MAPK10: variants seen among roughly 807,000 people sequenced by gnomAD.
MAPK10 encodes JNK3 alpha protein kinase.
MAPK10 carries 25 observed loss-of-function variants against 59.3 expected under a neutral mutation model. The ratio of observed to expected loss-of-function variants is 0.42; its 90% CI spans 0.31 to 0.59. The LOEUF is 0.59. Ranked by LOEUF, MAPK10 falls within the 20% of genes least tolerant of loss-of-function variation. The pLI is 0.15. For missense variants in MAPK10, 351 were observed against 568.9 expected (o/e 0.62, Z 3.90); for synonymous variants, 190 against 200.5 (o/e 0.95, Z 0.44).
chr4:86,088,982 A>G (rs1318885026), intron 9 of MAPK10, among the ~76,000 whole-genome samples: 1 of 152,204 alleles, frequency 6.6e-6, no homozygotes, highest in Non-Finnish European at 1.5e-5. Flanking sequence ...ACCTTTTGAT[A>G]TCAGGTTGAC....
chr4:86,488,750 T>A (rs1460801249), intron 1 of MAPK10, among the ~76,000 whole-genome samples: 2 of 152,052 alleles, frequency 1.3e-5, no homozygotes, highest in Non-Finnish European at 2.9e-5. Flanking sequence ...TGCCCACCCT[T>A]CCCCATTTCT....
chr4:86,586,205 G>T, intron 1 of MAPK10, among the ~76,000 whole-genome samples: 1 of 152,206 alleles, frequency 6.6e-6, no homozygotes. Context: ...TGAATAGGCA[G>T]TTACATAACT....
intron 2 of MAPK10, among the ~76,000 whole-genome samples, chr4:86,316,731 G>C (rs569632891): frequency 6.6e-6 from 1 of 151,972 alleles, no homozygotes; most frequent in African/African-American, 2.4e-5. Flanking sequence ...ATTGTTCCAG[G>C]GGCTGCAAAT....
intron 1 of MAPK10, among the ~76,000 whole-genome samples, chr4:86,540,081 A>G (rs1758555097): frequency 6.6e-6 from 1 of 152,232 alleles, no homozygotes; most frequent in African/African-American, 2.4e-5. Flanking sequence ...TTAGATTAAT[A>G]CTGAATCCAT....
chr4:86,174,079 T>C (rs2075081749), intron 3 of MAPK10, among the ~76,000 whole-genome samples: 1 of 152,196 alleles, frequency 6.6e-6, no homozygotes, highest in Admixed American at 6.5e-5. Context: ...CTCAAGGATC[T>C]AGAACCGGAA....
At chr4:86,053,951 T>C (rs1441900511) in intron 11 of MAPK10, among the ~76,000 whole-genome samples, 1 of 152,142 alleles carries the variant, frequency 6.6e-6, no homozygotes, top group Non-Finnish European at 1.5e-5. Flanking sequence ...GAAAAATAAT[T>C]TCTGTTCCCT....
intron 3 of MAPK10, among the ~76,000 whole-genome samples, chr4:86,178,604 A>G (rs1366387556): frequency 6.6e-6 from 1 of 151,936 alleles, no homozygotes; most frequent in Non-Finnish European, 1.5e-5. Flanking sequence ...AAAACCTTAA[A>G]GCTTTTCCTC....
At chr4:86,197,648 A>G (rs923727908) in intron 2 of MAPK10, among the ~76,000 whole-genome samples, 1 of 152,144 alleles carries the variant, frequency 6.6e-6, no homozygotes, top group East Asian at 1.9e-4. Flanking sequence ...TACTATAGGA[A>G]GTTTTCAATA....
chr4:86,194,895 C>T (rs767003906), intron 2 of MAPK10, among the ~76,000 whole-genome samples: 5 of 150,686 alleles, frequency 3.3e-5, no homozygotes, highest in South Asian at 4.2e-4. Context: ...TGATATTGAC[C>T]GAGAAGAAAA....
intron 2 of MAPK10, among the ~76,000 whole-genome samples, chr4:86,343,794 T>G (rs1199414784): frequency 6.6e-6 from 1 of 152,218 alleles, no homozygotes; most frequent in African/African-American, 2.4e-5. Context: ...AGCTGCCTTC[T>G]GTTAAAGCAG....
intron 2 of MAPK10, among the ~76,000 whole-genome samples, chr4:86,234,802 T>C (rs1173957816): frequency 6.6e-6 from 1 of 152,152 alleles, no homozygotes; most frequent in African/African-American, 2.4e-5. Context: ...CAGGGGAAAC[T>C]TATAATATTA....
At chr4:86,152,558 A>T (rs2066733206) in intron 4 of MAPK10, 1 of 152,188 alleles carries the variant, frequency 6.6e-6, no homozygotes, top group Non-Finnish European at 1.5e-5. Context: ...TCCATCTTCC[A>T]AACTAAAAGA....
At chr4:86,501,455 T>G (rs1039004708) in intron 1 of MAPK10, among the ~76,000 whole-genome samples, 1 of 152,088 alleles carries the variant, frequency 6.6e-6, no homozygotes, top group African/African-American at 2.4e-5. Flanking sequence ...CATGGAGCTC[T>G]TTTTCAAGTT....
chr4:86,497,708 G>C (rs1490935805), intron 1 of MAPK10, among the ~76,000 whole-genome samples: 1 of 152,108 alleles, frequency 6.6e-6, no homozygotes, highest in Non-Finnish European at 1.5e-5. Context: ...CTGGTTTGTA[G>C]TTTGCCAAAA....
At chr4:86,359,288 C>CTCTCTCTCTCTCTGTG (rs796310826) in intron 1 of MAPK10, among the ~76,000 whole-genome samples, 59 of 94,620 alleles carry the variant, frequency 6.2e-4, no homozygotes, top group Admixed American at 1.1e-3. Context: ...CTCTCTCTCT[C>CTCTCTCTCTCTCTGTG]TGTGTGTGTG....
intron 1 of MAPK10, among the ~76,000 whole-genome samples, chr4:86,590,140 T>A (rs1158294614): frequency 1.3e-5 from 2 of 152,058 alleles, no homozygotes; most frequent in Non-Finnish European, 2.9e-5. Context: ...ATAACAGAAA[T>A]AAAATACATA....
At chr4:86,178,211 T>C (rs568330358) in intron 3 of MAPK10, among the ~76,000 whole-genome samples, 15 of 151,740 alleles carry the variant, frequency 9.9e-5, no homozygotes, top group African/African-American at 3.4e-4. Context: ...CATTTAATCA[T>C]AGTTTTTTTG....
intron 1 of MAPK10, among the ~76,000 whole-genome samples, chr4:86,520,531 T>A (rs1003057049): frequency 6.6e-6 from 1 of 152,162 alleles, no homozygotes; most frequent in South Asian, 2.1e-4. Flanking sequence ...TATTTTTTTT[T>A]AATTTCTTTA....
At chr4:86,132,927 G>A (rs1370608483) in intron 4 of MAPK10, among the ~76,000 whole-genome samples, 2 of 152,128 alleles carry the variant, frequency 1.3e-5, no homozygotes, top group Non-Finnish European at 2.9e-5. Context: ...ATGTAATAAT[G>A]ATAGAAATAA....
Sources: allele counts gnomAD v4.1 joint callset (sites outside exome capture counted in the v4.1 genomes callset), GRCh38; gene constraint gnomAD v4.1.1; transcripts MANE v1.5; gene names NCBI Gene and HGNC (gene_info 2026-07-23, HGNC 2026-07-21).